The following ARHGAP26 variants were observed in gnomAD, a reference collection of about 807,000 sequenced individuals.
The protein encoded by ARHGAP26 is rho GTPase-activating protein 26.
ARHGAP26 carries 38 observed loss-of-function variants against 104.8 expected under a neutral mutation model. That is an observed-to-expected ratio of 0.36 (90% CI 0.28 to 0.48). ARHGAP26 has a LOEUF of 0.48. Among genes scored for constraint, ARHGAP26 ranks in the 20% least tolerant of loss-of-function variants. The pLI is 0.99. For missense variants in ARHGAP26, 704 were observed against 947.9 expected (o/e 0.74, Z 3.38); for synonymous variants, 341 against 340.0 (o/e 1.00, Z -0.03).
At chr5:142,873,310 G>C in intron 1 of ARHGAP26, 90 bp from the exon 2 acceptor site, 1 of 891,630 alleles carries the variant, frequency 1.1e-6, no homozygotes. Context: ...CGCCTCCTAA[G>C]ATATTCCTAG....
At chr5:143,139,840 G>A (rs1474239351) in intron 19 of ARHGAP26, among the ~76,000 whole-genome samples, 1 of 152,172 alleles carries the variant, frequency 6.6e-6, no homozygotes, top group Non-Finnish European at 1.5e-5. Flanking sequence ...CTAGGTGAAA[G>A]GTACTGACAC....
At chr5:143,190,504 A>G (rs73796984) in intron 20 of ARHGAP26, among the ~76,000 whole-genome samples, 3,606 of 152,264 alleles carry the variant, frequency 0.024, 147 homozygotes, top group African/African-American at 0.081. Context: ...GCTGTCCACC[A>G]AGAATTTTAT....
At chr5:142,834,556 T>A (rs1201110928) in intron 1 of ARHGAP26, among the ~76,000 whole-genome samples, 1 of 152,208 alleles carries the variant, frequency 6.6e-6, no homozygotes, top group East Asian at 1.9e-4. Flanking sequence ...GACTGGGTGG[T>A]TCTGTTGTCC....
intron 1 of ARHGAP26, chr5:142,772,882 A>G: frequency 3.7e-6 from 2 of 533,398 alleles, no homozygotes; most frequent in South Asian, 1.4e-5. Context: ...TTTTCCTACC[A>G]CTAGTTTTTG....
chr5:143,115,162 G>A (rs546203609), intron 17 of ARHGAP26, among the ~76,000 whole-genome samples: 152 of 152,004 alleles, frequency 1.0e-3, no homozygotes, highest in African/African-American at 3.4e-3. Context: ...ATGAAACCCC[G>A]TCTCTGCTAA....
intron 4 of ARHGAP26, among the ~76,000 whole-genome samples, chr5:142,879,876 G>A (rs559892126): frequency 2.0e-5 from 3 of 152,288 alleles, no homozygotes; most frequent in African/African-American, 7.2e-5. Flanking sequence ...TGGGTACAGG[G>A]ACTTTCTTTA....
chr5:143,136,235 A>T (rs768811049), intron 19 of ARHGAP26, among the ~76,000 whole-genome samples: 58 of 152,216 alleles, frequency 3.8e-4, no homozygotes, highest in Non-Finnish European at 6.8e-4. Flanking sequence ...TTTGTCCAAG[A>T]TTAATTTTAT....
chr5:143,109,483 G>A (rs369414197), intron 17 of ARHGAP26, among the ~76,000 whole-genome samples: 6 of 151,202 alleles, frequency 4.0e-5, no homozygotes, highest in South Asian at 2.1e-4. Flanking sequence ...TTTAGACAGC[G>A]TCTTGCTCTC....
intron 6 of ARHGAP26, among the ~76,000 whole-genome samples, chr5:142,900,151 C>T (rs549630381): frequency 2.0e-5 from 3 of 152,296 alleles, no homozygotes; most frequent in East Asian, 1.9e-4. Flanking sequence ...TGCTGGGACT[C>T]GGTTTGGCAG....
At chr5:142,792,075 A>G (rs979307924) in intron 1 of ARHGAP26, among the ~76,000 whole-genome samples, 2 of 152,192 alleles carry the variant, frequency 1.3e-5, no homozygotes, top group African/African-American at 4.8e-5. Context: ...CTTTAAAATT[A>G]AAAAGAAGTT....
chr5:142,911,086 T>G (rs1761764161), intron 9 of ARHGAP26, among the ~76,000 whole-genome samples: 1 of 152,230 alleles, frequency 6.6e-6, no homozygotes, highest in African/African-American at 2.4e-5. Flanking sequence ...TGAGCAGATT[T>G]GCCACATCCT....
intron 10 of ARHGAP26, among the ~76,000 whole-genome samples, chr5:142,929,913 G>A (rs1764466466): frequency 6.6e-6 from 1 of 152,194 alleles, no homozygotes; most frequent in African/African-American, 2.4e-5. Flanking sequence ...TTGCTCTCTA[G>A]GGCAGGGGGA....
intron 19 of ARHGAP26, among the ~76,000 whole-genome samples, chr5:143,138,700 T>C (rs1475617327): frequency 6.6e-6 from 1 of 152,162 alleles, no homozygotes; most frequent in Non-Finnish European, 1.5e-5. Flanking sequence ...TCCCTAGAAA[T>C]TGATTTTTTT....
Position 143,148,999 on chromosome 5 carries a change from A to G in ARHGAP26, c.1988+1618A>G, listed in dbSNP as rs771547436. Among the ~76,000 whole-genome samples, 292 of 152,272 alleles carry G rather than the reference A, an allele frequency of 1.9e-3. 8 individuals are homozygous for G. The highest frequency in any genetic ancestry group is 5.0e-3 in the Admixed American group (77 of 15,288). ...AGTCACTGCTGAGTACAGTGTGTAC[A>G]AAGAGGTTGCTTAAGCAGCTAAGTG... On this transcript the variant is annotated intron_variant, in intron 20 of 22. Transcript: ENST00000645722.
In ARHGAP26 at chr5:143,223,939, G is replaced by A; in HGVS notation, c.*1493G>A. 1 of 231,836 alleles carries A rather than the reference G, an allele frequency of 4.3e-6. No homozygotes were observed. The highest frequency in any genetic ancestry group is 6.1e-5 in the East Asian group (1 of 16,326). 14.4% of individuals were successfully genotyped at this position (231,836 alleles called of 1,614,324 possible). ...GTATCTTCCACATGTGAATGTCATT[G>A]CAAGGGTGACTCTAGACAAACTACA... On this transcript the variant is annotated 3_prime_UTR_variant, in exon 23 of 23. Transcript: ENST00000645722.
chr5:143,066,583 T>C (rs1161623109), intron 17 of ARHGAP26, among the ~76,000 whole-genome samples: 1 of 152,178 alleles, frequency 6.6e-6, no homozygotes, highest in Non-Finnish European at 1.5e-5. Flanking sequence ...TTTTAGGGTA[T>C]GGGAAATTGG....
intron 10 of ARHGAP26, among the ~76,000 whole-genome samples, chr5:142,923,857 CTT>C (rs11389284): frequency 8.5e-5 from 9 of 105,868 alleles, no homozygotes; most frequent in Non-Finnish European, 1.5e-4. Flanking sequence ...GGATCAGATC[CTT>C]TTTTTTTTTT....
At chr5:143,129,292 C>T (rs1413143383) in intron 18 of ARHGAP26, among the ~76,000 whole-genome samples, 1 of 152,296 alleles carries the variant, frequency 6.6e-6, no homozygotes, top group South Asian at 2.1e-4. Flanking sequence ...TCTTGTGTGT[C>T]TCCTTTTTTA....
intron 10 of ARHGAP26, among the ~76,000 whole-genome samples, chr5:142,927,401 T>C (rs1406494288): frequency 6.6e-6 from 1 of 152,112 alleles, no homozygotes; most frequent in Non-Finnish European, 1.5e-5. Flanking sequence ...TTGAACATCA[T>C]AGAAGTGGAG....
Sources: gnomAD v4.1 joint callset for allele counts (sites outside exome capture counted in the v4.1 genomes callset) on GRCh38, gnomAD v4.1.1 for gene constraint, MANE v1.5 for transcripts, NCBI Gene and HGNC (gene_info 2026-07-23, HGNC 2026-07-21) for gene names.